ZNG1C: variants seen among roughly 807,000 people sequenced by gnomAD.
ZNG1C encodes Zn regulated GTPase metalloprotein activator 1C.
the ZNG1C span, chr9:68,269,129 C>G: frequency 8.8e-7 from 1 of 1,136,180 alleles, no homozygotes. Context: ...TTGGAATGCT[C>G]TTAATAAGTT....
the ZNG1C span, chr9:68,272,442 T>C: frequency 3.5e-5 from 3 of 86,548 alleles, no homozygotes; most frequent in African/African-American, 1.2e-4. Context: ...TTTTCTTTTT[T>C]TTTTTTTTCT....
the ZNG1C span, among the ~76,000 whole-genome samples, chr9:68,282,612 A>C: frequency 6.4e-5 from 6 of 93,056 alleles, 3 homozygotes; most frequent in East Asian, 1.4e-3. Flanking sequence ...AAAAAAAAAA[A>C]ATAAAGAAAG....
the ZNG1C span, among the ~76,000 whole-genome samples, chr9:68,272,157 A>C: frequency 2.3e-5 from 2 of 85,126 alleles, 1 homozygote; most frequent in East Asian, 4.6e-4. Context: ...TGACCACTGG[A>C]AAATATCCCT....
the ZNG1C span, among the ~76,000 whole-genome samples, chr9:68,266,909 G>A: frequency 1.3e-5 from 2 of 152,154 alleles, no homozygotes; most frequent in Admixed American, 6.5e-5. Flanking sequence ...ATCAGCATAG[G>A]ACAATCAGGA....
At chr9:68,264,821 T>TTTTATATATA in the ZNG1C span, among the ~76,000 whole-genome samples, 168 of 24,876 alleles carry the variant, frequency 6.8e-3, no homozygotes, top group African/African-American at 0.013. Context: ...GGATTGAAGA[T>TTTTATATATA]TATATATATA....
At chr9:68,276,576 G>C in the ZNG1C span, among the ~76,000 whole-genome samples, 10 of 149,824 alleles carry the variant, frequency 6.7e-5, no homozygotes, top group African/African-American at 2.2e-4. Flanking sequence ...TTTCCCCACT[G>C]CTTGTTTTTC....
chr9:68,257,623 A>T, the ZNG1C span, among the ~76,000 whole-genome samples: 7 of 117,876 alleles, frequency 5.9e-5, no homozygotes, highest in South Asian at 3.0e-4. Flanking sequence ...CTTTTATTTT[A>T]ATCCTCCAGG....
At chr9:68,281,588 G>A in the ZNG1C span, among the ~76,000 whole-genome samples, 1 of 90,662 alleles carries the variant, frequency 1.1e-5, no homozygotes, top group African/African-American at 4.0e-5. Context: ...TCTCTGGAAC[G>A]TTTCACTCTT....
the ZNG1C span, among the ~76,000 whole-genome samples, chr9:68,268,493 T>C: frequency 3.3e-5 from 5 of 151,050 alleles, no homozygotes; most frequent in South Asian, 1.0e-3. Context: ...GCAAAGCAAC[T>C]TACAACTAGG....
chr9:68,256,707 G>A, the ZNG1C span, among the ~76,000 whole-genome samples: 268 of 133,086 alleles, frequency 2.0e-3, no homozygotes, highest in African/African-American at 7.2e-3. Context: ...AGGAAATAAC[G>A]AGAGATGGAA....
chr9:68,244,980 CTG>C, the ZNG1C span, among the ~76,000 whole-genome samples: 8 of 141,614 alleles, frequency 5.6e-5, no homozygotes, highest in Admixed American at 3.6e-4. Flanking sequence ...GTTGAAGAAA[CTG>C]TTTCAACTTG....
the ZNG1C span, chr9:68,274,398 G>A: frequency 0.011 from 1,841 of 168,178 alleles, 45 homozygotes; most frequent in African/African-American, 0.043. Flanking sequence ...ATCAAATCAC[G>A]TGACGATCAG....
chr9:68,284,940 T>C, the ZNG1C span, among the ~76,000 whole-genome samples: 2 of 150,848 alleles, frequency 1.3e-5, no homozygotes, highest in East Asian at 3.9e-4. Context: ...TTTTAGGCAG[T>C]CATTGTCCAA....
the ZNG1C span, among the ~76,000 whole-genome samples, chr9:68,264,855 A>ATATATATATG: frequency 2.5e-3 from 178 of 72,160 alleles, 4 homozygotes; most frequent in South Asian, 4.4e-3. Flanking sequence ...ATATATATAT[A>ATATATATATG]TGTATAATAA....
the ZNG1C span, among the ~76,000 whole-genome samples, chr9:68,279,400 T>C: frequency 2.4e-3 from 307 of 126,676 alleles, no homozygotes; most frequent in Middle Eastern, 7.3e-3. Flanking sequence ...TTCTTCCTAG[T>C]CTCGATGGTC....
chr9:68,288,499 C>T, the ZNG1C span, among the ~76,000 whole-genome samples: 683 of 109,520 alleles, frequency 6.2e-3, no homozygotes, highest in Admixed American at 0.011. Context: ...AGTCTCGCTC[C>T]GGCTGGAGTC....
chr9:68,284,920 G>T, the ZNG1C span, among the ~76,000 whole-genome samples: 1 of 144,834 alleles, frequency 6.9e-6, no homozygotes, highest in Admixed American at 6.9e-5. Context: ...TTTTTTTGCT[G>T]CGTATGAAGT....
the ZNG1C span, among the ~76,000 whole-genome samples, chr9:68,246,609 T>TA: frequency 7.7e-6 from 1 of 129,684 alleles, no homozygotes; most frequent in African/African-American, 3.0e-5. Context: ...AGCTCTTTAT[T>TA]AATACCTAGC....
chr9:68,265,311 GCT>G, the ZNG1C span, among the ~76,000 whole-genome samples: 1 of 105,732 alleles, frequency 9.5e-6, no homozygotes, highest in African/African-American at 3.7e-5. Flanking sequence ...GTTGAAACCT[GCT>G]CTTTCAGTGA....
Sources: gnomAD v4.1 joint callset for allele counts (sites outside exome capture counted in the v4.1 genomes callset) on GRCh38, gnomAD v4.1.1 for gene constraint, MANE v1.5 for transcripts, NCBI Gene and HGNC (gene_info 2026-07-23, HGNC 2026-07-21) for gene names.